SH3GL2: variants seen among roughly 807,000 people sequenced by gnomAD.
SH3GL2 encodes endophilin-A1.
In SH3GL2, 24 loss-of-function variants were observed where a neutral mutation model predicts 46.0. The observed-to-expected ratio is 0.52, with a 90% confidence interval of 0.38 to 0.73. The LOEUF is 0.73. SH3GL2 is among the 30% of genes least tolerant of loss of function. SH3GL2 has a pLI of 0.00. For synonymous variants in SH3GL2, 196 were observed against 147.1 expected (o/e 1.33, Z -2.40); for missense variants, 413 against 424.2 (o/e 0.97, Z 0.23).
chr9:17,634,074 C>T (rs953529402), intron 1 of SH3GL2, among the ~76,000 whole-genome samples: 11 of 152,208 alleles, frequency 7.2e-5, no homozygotes, highest in Admixed American at 3.9e-4. Context: ...TGGACTCAGA[C>T]TCTTGATGTG....
chr9:17,641,284 A>T (rs894364108), intron 1 of SH3GL2, among the ~76,000 whole-genome samples: 52 of 152,254 alleles, frequency 3.4e-4, no homozygotes, highest in African/African-American at 1.2e-3. Flanking sequence ...CCTGGAGTGT[A>T]TGTTGCTTAT....
intron 1 of SH3GL2, among the ~76,000 whole-genome samples, chr9:17,616,087 C>G (rs1301801604): frequency 1.3e-5 from 2 of 152,150 alleles, no homozygotes; most frequent in Non-Finnish European, 2.9e-5. Flanking sequence ...AGGTGGATTA[C>G]TTACCCATTA....
intron 1 of SH3GL2, among the ~76,000 whole-genome samples, chr9:17,580,643 T>G (rs2134529796): frequency 6.6e-6 from 1 of 152,322 alleles, no homozygotes; most frequent in Middle Eastern, 3.4e-3. Flanking sequence ...GCCAGACATG[T>G]TTATGAAAGT....
At chr9:17,769,103 T>A (rs1313402481) in intron 3 of SH3GL2, among the ~76,000 whole-genome samples, 2 of 152,188 alleles carry the variant, frequency 1.3e-5, no homozygotes, top group Admixed American at 1.3e-4. Flanking sequence ...GTCACCTAAT[T>A]TGTGCAGCTT....
At chr9:17,676,166 A>C (rs1355415923) in intron 1 of SH3GL2, among the ~76,000 whole-genome samples, 1 of 152,156 alleles carries the variant, frequency 6.6e-6, no homozygotes, top group Non-Finnish European at 1.5e-5. Flanking sequence ...TATCTGAAAA[A>C]CATAAATCCC....
intron 1 of SH3GL2, among the ~76,000 whole-genome samples, chr9:17,698,402 C>G (rs1821261725): frequency 6.6e-6 from 1 of 152,046 alleles, no homozygotes; most frequent in Non-Finnish European, 1.5e-5. Context: ...GATAGAGTGC[C>G]TGATGGATGG....
At chr9:17,761,594 T>G in intron 3 of SH3GL2, 85 bp downstream of exon 3, 1 of 910,650 alleles carries the variant, frequency 1.1e-6, no homozygotes, top group Non-Finnish European at 1.9e-6. Context: ...TTGGTGTGTT[T>G]CTTCTTTTGG....
chr9:17,774,214 T>TTA (rs1267831290), intron 3 of SH3GL2, among the ~76,000 whole-genome samples: 1 of 152,158 alleles, frequency 6.6e-6, no homozygotes, highest in Non-Finnish European at 1.5e-5. Context: ...CTTTAGAGAT[T>TTA]TCTATATGTA....
chr9:17,753,672 G>T (rs1822910825), intron 2 of SH3GL2, among the ~76,000 whole-genome samples: 1 of 151,960 alleles, frequency 6.6e-6, no homozygotes, highest in Admixed American at 6.6e-5. Flanking sequence ...AAAACTCTTT[G>T]GTATAATTAG....
At position 17,579,221 on chromosome 9, in the gene SH3GL2, C is replaced by A; in HGVS notation, c.-22C>A. 6.5e-7 allele frequency: 1 copy of A among 1,537,884 alleles called. No homozygotes were observed. The highest frequency in any genetic ancestry group is 8.7e-7 in the Non-Finnish European group (1 of 1,143,274). The stretch of plus-strand genomic sequence containing the variant: ...CGCCTCCTCCCTCCCGCACAGCAGC[C>A]GCCAGCGCGGCCTCCTGCACCATGT... On this transcript the variant is annotated 5_prime_UTR_variant, in exon 1 of 9. Transcript: ENST00000380607.
chr9:17,586,991 G>A (rs1157296821), intron 1 of SH3GL2, among the ~76,000 whole-genome samples: 2 of 152,170 alleles, frequency 1.3e-5, no homozygotes, highest in East Asian at 3.9e-4. Flanking sequence ...CAGATCACTT[G>A]AGGAGTTTGA....
intron 1 of SH3GL2, among the ~76,000 whole-genome samples, chr9:17,683,877 C>G (rs567223645): frequency 1.3e-5 from 2 of 152,030 alleles, no homozygotes; most frequent in Non-Finnish European, 2.9e-5. Context: ...TGTGCAGAGG[C>G]TAATAAGCCT....
chr9:17,682,971 A>C (rs938537309), intron 1 of SH3GL2, among the ~76,000 whole-genome samples: 1 of 152,102 alleles, frequency 6.6e-6, no homozygotes, highest in Non-Finnish European at 1.5e-5. Flanking sequence ...CATGCTTACA[A>C]TAGTAAAAAA....
At chr9:17,687,115 G>A (rs541814873) in intron 1 of SH3GL2, among the ~76,000 whole-genome samples, 2 of 151,988 alleles carry the variant, frequency 1.3e-5, no homozygotes, top group African/African-American at 2.4e-5. Flanking sequence ...ATGTAAACTA[G>A]CATTAAAAAA....
chr9:17,638,782 G>A (rs910726429), intron 1 of SH3GL2, among the ~76,000 whole-genome samples: 7 of 152,178 alleles, frequency 4.6e-5, no homozygotes, highest in South Asian at 2.1e-4. Flanking sequence ...TCAACAGAGG[G>A]TCCTTACCAC....
intron 1 of SH3GL2, among the ~76,000 whole-genome samples, chr9:17,707,567 A>G (rs73422680): frequency 0.042 from 6,434 of 152,118 alleles, 345 homozygotes; most frequent in African/African-American, 0.11. Context: ...ACTTTGTGCT[A>G]TGCAACAGTC....
In SH3GL2 at chr9:17,691,238, C is replaced by T. The variant is rs973303500; in HGVS notation, c.46-55828C>T. ...TCCAGTTGTTGCTTTATAGCTTTTT[C>T]CAGTTTTCTTCTTTCTCTTTGAGAC... On this transcript the variant is annotated intron_variant, in intron 1 of 8. Transcript: ENST00000380607. Among the ~76,000 whole-genome samples the T allele has an allele frequency of 1.5e-4, 23 of 152,000 alleles. 1 individual carries two copies. Among genetic ancestry groups the T allele is most frequent in the Admixed American group, 6.6e-5 (1 of 15,236 alleles).
chr9:17,679,175 A>T (rs1015521174), intron 1 of SH3GL2, among the ~76,000 whole-genome samples: 1 of 152,144 alleles, frequency 6.6e-6, no homozygotes, highest in Non-Finnish European at 1.5e-5. Flanking sequence ...GAAGAAAGTC[A>T]TTGGTAGCTT....
At chr9:17,626,808 C>G (rs555456064) in intron 1 of SH3GL2, among the ~76,000 whole-genome samples, 1 of 152,316 alleles carries the variant, frequency 6.6e-6, no homozygotes, top group South Asian at 2.1e-4. Flanking sequence ...GGAGAACTGC[C>G]TTTACCTCCC....
Sources: allele counts gnomAD v4.1 joint callset (sites outside exome capture counted in the v4.1 genomes callset), GRCh38; gene constraint gnomAD v4.1.1; transcripts MANE v1.5; gene names NCBI Gene and HGNC (gene_info 2026-07-23, HGNC 2026-07-21).